Variants in RBFOX2 observed in about 807,000 individuals in gnomAD.
RBFOX2 encodes RNA binding fox-1 homolog 2, also known as RNA binding protein fox-1 homolog 2.
RBFOX2 carries 10 observed loss-of-function variants against 49.1 expected under a neutral mutation model. That is an observed-to-expected ratio of 0.20 (90% CI 0.13 to 0.35). The LOEUF (loss-of-function observed/expected upper bound fraction) is 0.35. RBFOX2 is among the 10% of genes least tolerant of loss of function. The pLI is 1.00. For synonymous variants in RBFOX2, 183 were observed against 187.4 expected, an observed-to-expected ratio of 0.98 and a Z score of 0.19; for missense variants, 323 against 486.9, an observed-to-expected ratio of 0.66 and a Z score of 3.17.
intron 1 of RBFOX2, among the ~76,000 whole-genome samples, chr22:35,934,693 C>T (rs1005204548): frequency 5.9e-5 from 9 of 152,276 alleles, no homozygotes; most frequent in African/African-American, 1.9e-4. Flanking sequence ...AACAGTAAGG[C>T]TGCTGTGCAG....
exon 12 of RBFOX2, chr22:35,744,076 TG>T: frequency 1.3e-6 from 1 of 755,028 alleles, no homozygotes; most frequent in Non-Finnish European, 1.9e-6. Context: ...TCTTTTTTTG[TG>T]TTTTTTTTTG....
chr22:35,853,658 CGTGTGTGTGTGTGT>C (rs36048607), intron 1 of RBFOX2, among the ~76,000 whole-genome samples: 68 of 141,140 alleles, frequency 4.8e-4, no homozygotes, highest in Middle Eastern at 3.5e-3. Context: ...TATATACACA[CGTGTGTGTGTGTGT>C]GTGTGTGTGT....
chr22:36,017,761 T>C (rs2059097533), intron 1 of RBFOX2, among the ~76,000 whole-genome samples: 1 of 152,130 alleles, frequency 6.6e-6, no homozygotes, highest in Non-Finnish European at 1.5e-5. Flanking sequence ...ACTTGTGTGG[T>C]TCCTCTTTTC....
chr22:35,982,634 G>A (rs2057516749), intron 1 of RBFOX2, among the ~76,000 whole-genome samples: 1 of 152,128 alleles, frequency 6.6e-6, no homozygotes, highest in East Asian at 1.9e-4. Flanking sequence ...GTAATTTGAG[G>A]TCTGAGGGTC....
At chr22:35,754,355 T>C (rs1458864537) in intron 9 of RBFOX2, among the ~76,000 whole-genome samples, 2 of 152,044 alleles carry the variant, frequency 1.3e-5, no homozygotes, top group Admixed American at 6.5e-5. Context: ...CCTCCCAAAG[T>C]GCTGGGATTA....
intron 1 of RBFOX2, among the ~76,000 whole-genome samples, chr22:35,859,490 C>T (rs547816168): frequency 6.6e-6 from 1 of 152,272 alleles, no homozygotes; most frequent in African/African-American, 2.4e-5. Context: ...CAATGGAAAT[C>T]TTTAAATTAT....
At chr22:35,907,683 C>T (rs939635387) in intron 1 of RBFOX2, among the ~76,000 whole-genome samples, 1 of 151,892 alleles carries the variant, frequency 6.6e-6, no homozygotes, top group Non-Finnish European at 1.5e-5. Context: ...AGTGTCGCTC[C>T]GTCGCGCAGG....
intron 1 of RBFOX2, among the ~76,000 whole-genome samples, chr22:35,985,764 G>A (rs867669794): frequency 2.6e-5 from 4 of 152,136 alleles, no homozygotes; most frequent in South Asian, 2.1e-4. Flanking sequence ...AGAATAGAAA[G>A]AGAAAAGGAC....
At chr22:35,741,299 A>G (rs1237716689) in exon 12 of RBFOX2, 1 of 152,252 alleles carries the variant, frequency 6.6e-6, no homozygotes, top group Non-Finnish European at 1.5e-5. Flanking sequence ...AAAGCTGAAA[A>G]AGAATCATGC....
chr22:35,755,080 G>T (rs899736891), intron 9 of RBFOX2, among the ~76,000 whole-genome samples: 1 of 152,186 alleles, frequency 6.6e-6, no homozygotes, highest in Non-Finnish European at 1.5e-5. Flanking sequence ...GTAGACTGTG[G>T]AAACAGTTCA....
intron 1 of RBFOX2, chr22:35,993,398 T>C (rs2058060264): frequency 6.6e-6 from 1 of 152,244 alleles, no homozygotes; most frequent in Non-Finnish European, 1.5e-5. Context: ...ACAAAGTATT[T>C]GATACTACTC....
chr22:35,875,689 A>G lies in RBFOX2; in HGVS notation c.-34+63158T>C, dbSNP rs1195531738. ...GTGTCTTGTAGCCCATATGGTAAAT[A>G]TACAGACTACCCAGACTACCACACA... On this transcript the variant is annotated intron_variant, in intron 1 of 13. Transcript: ENST00000359369. Among the ~76,000 whole-genome samples, 12 of 150,562 alleles carry G rather than the reference A, an allele frequency of 8.0e-5. No homozygotes were observed. The East Asian group carries it at 2.4e-3, about 30-fold the overall frequency.
intron 2 of RBFOX2, among the ~76,000 whole-genome samples, chr22:35,798,582 T>TAACTCAATGG (rs1438646658): frequency 1.3e-5 from 2 of 152,204 alleles, no homozygotes. Context: ...GCGGCTATGG[T>TAACTCAATGG]AACTCAATGG....
intron 1 of RBFOX2, among the ~76,000 whole-genome samples, chr22:36,013,566 C>G (rs961162109): frequency 1.3e-5 from 2 of 151,812 alleles, no homozygotes; most frequent in African/African-American, 4.8e-5. Flanking sequence ...TGTCTGTCTG[C>G]AAGGCCATTC....
intron 1 of RBFOX2, among the ~76,000 whole-genome samples, chr22:35,882,989 G>A (rs2046115799): frequency 6.6e-6 from 1 of 152,118 alleles, no homozygotes; most frequent in Non-Finnish European, 1.5e-5. Flanking sequence ...GGAAATTGGG[G>A]GGCACAAAAG....
At chr22:35,975,701 T>C (rs2057111549) in intron 1 of RBFOX2, among the ~76,000 whole-genome samples, 1 of 152,010 alleles carries the variant, frequency 6.6e-6, no homozygotes, top group African/African-American at 2.4e-5. Flanking sequence ...TCCCTTTTGA[T>C]GTCAGGAACA....
intron 1 of RBFOX2, among the ~76,000 whole-genome samples, chr22:35,980,815 T>C (rs1484795499): frequency 6.6e-6 from 1 of 152,116 alleles, no homozygotes; most frequent in Non-Finnish European, 1.5e-5. Flanking sequence ...AGAAAGGACA[T>C]CTTCCAGACT....
At chr22:35,857,711 C>CA (rs1187331572) in intron 1 of RBFOX2, among the ~76,000 whole-genome samples, 4 of 151,808 alleles carry the variant, frequency 2.6e-5, no homozygotes, top group Non-Finnish European at 5.9e-5. Context: ...CCATGTACTC[C>CA]AAAAAAAGAA....
chr22:35,970,286 C>T (rs1410659085), intron 1 of RBFOX2, among the ~76,000 whole-genome samples: 1 of 152,066 alleles, frequency 6.6e-6, no homozygotes, highest in Non-Finnish European at 1.5e-5. Flanking sequence ...ACTCTATCTC[C>T]CAGACATCCT....
Sources: allele counts gnomAD v4.1 joint callset (sites outside exome capture counted in the v4.1 genomes callset), GRCh38; gene constraint gnomAD v4.1.1; transcripts MANE v1.5; gene names NCBI Gene and HGNC (gene_info 2026-07-23, HGNC 2026-07-21).